Variants in CHKB observed in about 807,000 individuals in gnomAD.
The protein encoded by CHKB is choline/ethanolamine kinase.
A neutral mutation model predicts 57.3 loss-of-function variants in CHKB; 45 were observed. That is an observed-to-expected ratio of 0.79 (90% CI 0.62 to 1.01). CHKB has a LOEUF of 1.01. CHKB is among the 50% of genes least tolerant of loss of function. The pLI, the probability that CHKB is intolerant of heterozygous loss-of-function variation, is 0.00. For synonymous variants in CHKB, 224 were observed against 201.8 expected, an observed-to-expected ratio of 1.11 and a Z score of -0.93; for missense variants, 517 against 502.8, an observed-to-expected ratio of 1.03 and a Z score of -0.27.
chr22:50,582,314 G>C lies in CHKB; in HGVS notation c.268C>G (p.His90Asp), dbSNP rs2070710465. The C allele has an allele frequency of 6.3e-7, 1 of 1,587,538 alleles. No individual in the cohort carries two copies. Among genetic ancestry groups the C allele is most frequent in the African/African-American group, 1.3e-5 (1 of 74,642 alleles). Residue 90 changes from histidine (H) to aspartate (D), a missense_variant, in exon 2 of 11, where the codon CAC (histidine) becomes GAC (aspartate). Transcript: ENST00000406938. Reference sequence around the variant, plus strand: ...GGCTCCTCGCCAACGCTGGGCAGGTGGTCCGGGAGCGAGCAGCGGAAGAGC... The same window carrying C: ...GGCTCCTCGCCAACGCTGGGCAGGTCGTCCGGGAGCGAGCAGCGGAAGAGC... ...NLLFRCSLPD[H>D]LPSVGEEPRE...
chr22:50,581,552 C>G lies in CHKB; in HGVS notation c.449G>C (p.Ser150Thr). The change falls in exon 4 of 11, where the codon AGT (serine) becomes ACT (threonine). Residue 150 changes from serine (S) to threonine (T), a missense_variant and splice_region_variant. Physicochemically the swap from Ser to Thr is moderately conservative, Grantham distance 58 (BLOSUM62 1). Coordinates refer to ENST00000406938, the MANE Select transcript of CHKB (RefSeq NM_005198.5). ...PEGRLEQYIPSRPLKTQELRE... is the reference protein window; with the variant it reads ...PEGRLEQYIPTRPLKTQELRE... ...AAGCTCTTGAGTTTTCAATGGCCGA[C>G]TCTGCACCCAGGAAGCTATCAGGGT... The G allele has an allele frequency of 6.2e-7, 1 of 1,613,926 alleles. No homozygotes were observed. The highest frequency in any genetic ancestry group is 8.5e-7 in the Non-Finnish European group (1 of 1,180,038).
rs370269863 is a variant in CHKB at position 50,579,528 on chromosome 22, G to A, written c.1032-21C>T. 5.0e-6 allele frequency: 8 copies of A among 1,612,088 alleles called. No homozygotes were observed. The African/African-American group carries it at 1.1e-4, about 22-fold the overall frequency. On this transcript the variant is annotated intron_variant, in intron 9 of 10. Transcript: ENST00000406938. Reference sequence around the variant, plus strand: ...CATACCTGGGGGGAGGGCAGGAAAAGGAGGGGCATTCAAGAGCATGTCTAG... The same window carrying A: ...CATACCTGGGGGGAGGGCAGGAAAAAGAGGGGCATTCAAGAGCATGTCTAG...
rs764836662 is a variant in CHKB at position 50,582,799 on chromosome 22, G to C, written c.-18C>G. 9 of 1,548,008 alleles carry C rather than the reference G, an allele frequency of 5.8e-6. No homozygotes were observed. In the South Asian group the frequency reaches 8.2e-5, roughly 14 times the overall value. On this transcript the variant is annotated 5_prime_UTR_variant, in exon 1 of 11. Transcript: ENST00000406938. Reference sequence around the variant, plus strand: ...GCCGCCATGGCGCGGGCTCGACCGGGCCCCAGGCCAGGCTGCGCTCCGCTC... The same window carrying C: ...GCCGCCATGGCGCGGGCTCGACCGGCCCCCAGGCCAGGCTGCGCTCCGCTC...
In CHKB at chr22:50,582,627, C is replaced by A. The variant is rs1207178552; in HGVS notation, c.155G>T (p.Trp52Leu). The A allele has an allele frequency of 1.2e-6, 2 of 1,611,456 alleles. No individual in the cohort carries two copies. Among genetic ancestry groups the A allele is most frequent in the South Asian group, 2.2e-5 (2 of 90,982 alleles). ...GGCCCCGCCCAAGTACTCCCGGCAC[C>A]ATTGGTAGGCTCGGCGCTCGGCGTC... ...SRDAERRAYQ[W>L]CREYLGGAWR... The change falls in exon 1 of 11, where the codon TGG (tryptophan) becomes TTG (leucine). Residue 52 changes from tryptophan (W) to leucine (L), a missense_variant. Transcript: ENST00000406938.
chr22:50,579,479 C>G lies in CHKB; in HGVS notation c.1060G>C (p.Gly354Arg), dbSNP rs748889957. 1.2e-6 allele frequency: 2 copies of G among 1,613,562 alleles called. No individual in the cohort carries two copies. Among genetic ancestry groups the G allele is most frequent in the South Asian group, 1.1e-5 (1 of 91,078 alleles). Residue 354 changes from glycine to arginine, a missense_variant, in exon 10 of 11, where the codon GGT becomes CGT. By Grantham distance (125) the Gly-to-Arg change is moderately radical (BLOSUM62 -2). Transcript: ENST00000406938. ...RYALASHFFWGLWSILQASMS... is the reference protein window; with the variant it reads ...RYALASHFFWRLWSILQASMS... ...GATGCCTGGAGGATGGACCACAGAC[C>G]CCAGAAGAAATGGGATGCCAGAGCA... is the stretch of plus-strand genomic sequence containing the variant.
At position 50,580,423 on chromosome 22, in the gene CHKB, G is replaced by A. The variant is rs1278905187; in HGVS notation, c.678-7C>T. 1.2e-6 allele frequency: 2 copies of A among 1,613,988 alleles called. No homozygotes were observed. Among genetic ancestry groups the A allele is most frequent in the Non-Finnish European group, 1.7e-6 (2 of 1,180,004 alleles). On this transcript the variant is annotated splice_polypyrimidine_tract_variant and splice_region_variant and intron_variant, in intron 5 of 10. Transcript: ENST00000406938. ...GGTAGACTCTAGTAACTTCCTACAG[G>A]GGTATGGGAGCATGGGTCCTGAGCA...
rs1283550878 is a variant in CHKB at position 50,581,463 on chromosome 22, G to T, written c.538C>A (p.Pro180Thr). The part of the protein sequence containing the change: ...KMAQFHGMEM[P>T]FTKEPHWLFG... Reference sequence around the variant, plus strand: ...AGCCAGTGGGGCTCCTTGGTGAAAGGCATCTCCATGCCATGAAATTGCGCC... The same window carrying T: ...AGCCAGTGGGGCTCCTTGGTGAAAGTCATCTCCATGCCATGAAATTGCGCC... Residue 180 changes from proline (P) to threonine (T), a missense_variant, in exon 4 of 11, where the codon CCT becomes ACT. Pro to Thr is a conservative substitution (Grantham distance 38). Coordinates refer to ENST00000406938, the MANE Select transcript of CHKB (RefSeq NM_005198.5). 2.5e-6 allele frequency: 4 copies of T among 1,613,698 alleles called. No individual in the cohort carries two copies. The African/African-American group carries it at 5.3e-5, about 22-fold the overall frequency.
Position 50,580,567 on chromosome 22 carries a change from G to T in CHKB, c.675C>A (p.Leu225=), listed in dbSNP as rs1354346296. 4 of 1,613,970 alleles carry T rather than the reference G, an allele frequency of 2.5e-6. No homozygotes were observed. In the African/African-American group the frequency reaches 5.3e-5, roughly 22 times the overall value. Residue 225 remains leucine (L), a splice_region_variant and synonymous_variant, in exon 5 of 11, where the codon CTC becomes CTA. Coordinates refer to ENST00000406938, the MANE Select transcript of CHKB (RefSeq NM_005198.5). The part of the protein sequence containing the change: ...MYSLKDEMGN[L]RKLLESTPSP... ...AGCCTTGTCCTGCCTGCCCTCACCT[G>T]AGGTTGCCCATCTCATCCTTCAGGC... is the stretch of plus-strand genomic sequence containing the variant.
rs775547378 is a variant in CHKB, at chr22:50,579,996, T to A, written c.905A>T (p.Asp302Val). The change falls in exon 8 of 11, where the codon GAC (aspartate) becomes GTC (valine). Residue 302 changes from aspartate to valine, a missense_variant. Transcript: ENST00000406938. ...TACCTGCTGTTCTTGAGTGGGGTAGTCTGTGGGCCTTGCTTTGTAGAAAGG... is the reference window on the plus strand; with the variant it reads ...TACCTGCTGTTCTTGAGTGGGGTAGACTGTGGGCCTTGCTTTGTAGAAAGG... ...EWPFYKARPTDYPTQEQQLHF... is the reference protein window; with the variant it reads ...EWPFYKARPTVYPTQEQQLHF... The A allele has an allele frequency of 7.4e-6, 12 of 1,613,932 alleles. No homozygotes were observed. Among genetic ancestry groups the A allele is most frequent in the South Asian group, 1.1e-5 (1 of 91,086 alleles).
rs751758581 is a variant in CHKB, at chr22:50,580,210, C to T, written c.798G>A (p.Glu266=). The change falls in exon 7 of 11, where the codon GAG becomes GAA. Residue 266 remains glutamate (E), a synonymous_variant. Coordinates refer to ENST00000406938, the MANE Select transcript of CHKB (RefSeq NM_005198.5). Reference sequence around the variant, plus strand: ...CTCACCTATAGTTATAACTGCTGTACTCGAAGTCCACCAGCATGAGGCTGT... The same window carrying T: ...CTCACCTATAGTTATAACTGCTGTATTCGAAGTCCACCAGCATGAGGCTGT... ...NADSLMLVDF[E]YSSYNYRGFD... is the part of the protein sequence containing the mutation. 2.5e-6 allele frequency: 4 copies of T among 1,613,924 alleles called. No homozygotes were observed. In the South Asian group the frequency reaches 4.4e-5, roughly 18 times the overall value.
At position 50,579,797 on chromosome 22, in the gene CHKB, T is replaced by C. The variant is rs143218928; in HGVS notation, c.961A>G (p.Lys321Glu). ...HFIRHYLAEA[K>E]KGETLSQEEQ... ...TCTTGGGAGAGGGTCTCACCTTTCT[T>C]TGCCTCTGCCAGGTAATGACGAATA... The change falls in exon 9 of 11, where the codon AAG becomes GAG. Residue 321 changes from lysine (K) to glutamate (E), a missense_variant. Transcript: ENST00000406938. 3.7e-6 allele frequency: 6 copies of C among 1,613,894 alleles called. No individual in the cohort carries two copies. The highest frequency in any genetic ancestry group is 2.7e-5 in the African/African-American group (2 of 74,910).
At position 50,582,152 on chromosome 22, in the gene CHKB, C is replaced by T. The variant is rs990109854; in HGVS notation, c.333+97G>A. On this transcript the variant is annotated intron_variant, in intron 2 of 10. Coordinates refer to ENST00000406938, the MANE Select transcript of CHKB (RefSeq NM_005198.5). ...GAGGTGTTACTCAGACCGTGAACCTCGGTGTCCTCAACTGCGCAACGGGAA... is the reference window on the plus strand; with the variant it reads ...GAGGTGTTACTCAGACCGTGAACCTTGGTGTCCTCAACTGCGCAACGGGAA... 14 of 1,125,704 alleles carry T rather than the reference C, an allele frequency of 1.2e-5. No homozygotes were observed. The African/African-American group carries it at 2.2e-4, about 17-fold the overall frequency. 69.7% of individuals were successfully genotyped at this position (1,125,704 alleles called of 1,614,324 possible).
At position 50,579,055 on chromosome 22, in the gene CHKB, G is replaced by A. The variant is rs112742765; in HGVS notation, c.*126C>T. 18 of 896,712 alleles carry A rather than the reference G, an allele frequency of 2.0e-5. No individual in the cohort carries two copies. The highest frequency in any genetic ancestry group is 4.0e-5 in the Admixed American group (2 of 49,936). 55.5% of individuals were successfully genotyped at this position (896,712 alleles called of 1,614,324 possible). On this transcript the variant is annotated 3_prime_UTR_variant, in exon 11 of 11. Coordinates refer to ENST00000406938, the MANE Select transcript of CHKB (RefSeq NM_005198.5). ...ACCTACTCAAACTCAGGAACAGGCC[G>A]GTCTCCTGAACCTCAGTTTCACTTG...
chr22:50,579,501 A>G lies in CHKB; in HGVS notation c.1038T>C (p.Ala346=). The G allele has an allele frequency of 6.2e-7, 1 of 1,613,378 alleles. No homozygotes were observed. The highest frequency in any genetic ancestry group is 1.1e-5 in the South Asian group (1 of 91,052). The change falls in exon 10 of 11, where the codon GCT becomes GCC. Residue 346 remains alanine (A), a synonymous_variant. Transcript: ENST00000406938. ...GACCCCAGAAGAAATGGGATGCCAG[A>G]GCATACCTGGGGGGAGGGCAGGAAA... ...EDLLVEVSRY[A]LASHFFWGLW...
chr22:50,580,459 G>A (rs1218359575), intron 5 of CHKB, 43 bp from the exon 6 acceptor site: 2 of 1,612,554 alleles, frequency 1.2e-6, no homozygotes, highest in Non-Finnish European at 1.7e-6. Flanking sequence ...GGAGTGACTA[G>A]AGGAGGATCA....
At chr22:50,582,483 G>C in intron 1 of CHKB, 75 bp downstream of exon 1, 1 of 1,502,202 alleles carries the variant, frequency 6.7e-7, no homozygotes, top group Non-Finnish European at 9.0e-7. Context: ...CGAAAACATG[G>C]AGCATCCTGA....
At position 50,581,420 on chromosome 22, in the gene CHKB, C is replaced by CGTG; in HGVS notation, c.580_581insCAC (p.Glu193_Arg194insPro). 6.2e-7 allele frequency: 1 copy of CGTG among 1,613,114 alleles called. No homozygotes were observed. Among genetic ancestry groups the CGTG allele is most frequent in the Non-Finnish European group, 8.5e-7 (1 of 1,179,908 alleles). ...AGCCCTGAGGAGGCTCCTGACTCACCGCTCCATGGTCCCAAACAGCCAGTG... is the reference window on the plus strand; with the variant it reads ...AGCCCTGAGGAGGCTCCTGACTCACCGTGGCTCCATGGTCCCAAACAGCCAGTG... On this transcript the variant is annotated inframe_insertion and splice_region_variant, in exon 4 of 11. Coordinates refer to ENST00000406938, the MANE Select transcript of CHKB (RefSeq NM_005198.5).
intron 1 of CHKB, 34 bp from the exon 2 acceptor site, chr22:50,582,391 GCCGGCCCTACCTGCCGCGGCC>G: frequency 6.6e-7 from 1 of 1,524,316 alleles, no homozygotes. Flanking sequence ...TCAGCCCGCG[GCCGGCCCTACCTGCCGCGGCC>G]CCGGCCCCCT....
In CHKB at chr22:50,579,113, CGTT is replaced by C. The variant is rs1468415262; in HGVS notation, c.*65_*67del. ...AGCCCAGTCGCCAGGGCCTTCTGCT[CGTT>C]GTTCCTCCCTCCAAGGTCCTGCCCT... is the stretch of plus-strand genomic sequence containing the variant. On this transcript the variant is annotated 3_prime_UTR_variant, in exon 11 of 11. Coordinates refer to ENST00000406938, the MANE Select transcript of CHKB (RefSeq NM_005198.5). 6.1e-6 allele frequency: 9 copies of C among 1,478,350 alleles called. No individual in the cohort carries two copies. In the African/African-American group the frequency reaches 6.9e-5, roughly 11 times the overall value. The allele number at this position is 1,478,350 out of a possible 1,614,324, so 91.6% of individuals were successfully genotyped here.
Sources: gnomAD v4.1 joint callset for allele counts on GRCh38, gnomAD v4.1.1 for gene constraint, MANE v1.5 for transcripts, NCBI Gene and HGNC (gene_info 2026-07-23, HGNC 2026-07-21) for gene names.